PARP8: variants seen among roughly 807,000 people sequenced by gnomAD.
PARP8 encodes poly(ADP-ribose) polymerase family member 8.
A neutral mutation model predicts 124.1 loss-of-function variants in PARP8; 51 were observed. The observed-to-expected ratio is 0.41, with a 90% CI of 0.33 to 0.52. PARP8 has a LOEUF of 0.52. PARP8 is among the 20% of genes least tolerant of loss of function. PARP8 has a pLI of 0.21. For missense variants in PARP8, 860 were observed against 1,018.9 expected, an observed-to-expected ratio of 0.84 and a Z score of 2.12; for synonymous variants, 391 against 361.5, an observed-to-expected ratio of 1.08 and a Z score of -0.93.
intron 14 of PARP8, among the ~76,000 whole-genome samples, chr5:50,813,478 TAAG>T (rs957571138): frequency 7.9e-5 from 12 of 152,212 alleles, no homozygotes; most frequent in African/African-American, 1.9e-4. Context: ...CTTATCAGCT[TAAG>T]GAGATTTTGG....
At chr5:50,754,128 T>TACATAC (rs1452720533) in intron 3 of PARP8, among the ~76,000 whole-genome samples, 3 of 7,796 alleles carry the variant, frequency 3.8e-4, no homozygotes, top group Non-Finnish European at 8.5e-4. Flanking sequence ...TATATATATA[T>TACATAC]ATATATATAT....
intron 7 of PARP8, among the ~76,000 whole-genome samples, chr5:50,763,826 A>G (rs1261394573): frequency 6.6e-6 from 1 of 152,088 alleles, no homozygotes; most frequent in Non-Finnish European, 1.5e-5. Flanking sequence ...CTGCCACCAT[A>G]ATAGTTTCCA....
At chr5:50,757,267 T>TA (rs201888827) in intron 3 of PARP8, 5,137 of 386,900 alleles carry the variant, frequency 0.013, 29 homozygotes, top group African/African-American at 0.037. Context: ...GACTGAATCA[T>TA]AAAAAAAAAC....
intron 1 of PARP8, chr5:50,667,499 C>T: frequency 1.4e-6 from 1 of 700,204 alleles, no homozygotes; most frequent in South Asian, 1.5e-5. Flanking sequence ...AGCCTCCAAG[C>T]ACGCTTCCTG....
At chr5:50,773,529 A>T (rs1236613014) in intron 7 of PARP8, among the ~76,000 whole-genome samples, 1 of 152,180 alleles carries the variant, frequency 6.6e-6, no homozygotes, top group East Asian at 1.9e-4. Flanking sequence ...TCGTTGGTCT[A>T]CATGTCTATT....
chr5:50,837,789 A>G (rs1045258567), intron 25 of PARP8, among the ~76,000 whole-genome samples: 1 of 151,892 alleles, frequency 6.6e-6, no homozygotes, highest in African/African-American at 2.4e-5. Context: ...AAAGGAAGAT[A>G]TCAATTAAAA....
intron 3 of PARP8, among the ~76,000 whole-genome samples, chr5:50,753,909 A>G (rs1307101653): frequency 4.0e-5 from 6 of 151,466 alleles, no homozygotes; most frequent in Non-Finnish European, 5.9e-5. Flanking sequence ...TCAAGTGTTC[A>G]TGAAAGTTCT....
intron 2 of PARP8, among the ~76,000 whole-genome samples, chr5:50,725,709 A>G (rs1202632065): frequency 2.6e-5 from 4 of 152,192 alleles, no homozygotes; most frequent in East Asian, 1.9e-4. Context: ...TTTATACAGT[A>G]TACAACACTT....
chr5:50,772,411 A>T (rs154140), intron 7 of PARP8, among the ~76,000 whole-genome samples: 40,211 of 152,058 alleles, frequency 0.26, 7,052 homozygotes, highest in African/African-American at 0.5. Flanking sequence ...ATTTTTAATT[A>T]TTTGAGGAAC....
At chr5:50,735,957 C>CT (rs994096130) in intron 2 of PARP8, among the ~76,000 whole-genome samples, 2 of 64,560 alleles carry the variant, frequency 3.1e-5, no homozygotes, top group African/African-American at 2.9e-4. Context: ...CTAGGGGATT[C>CT]CCCCCCCCCC....
intron 4 of PARP8, 124 bp downstream of exon 4, chr5:50,759,856 T>C: frequency 8.7e-7 from 1 of 1,147,126 alleles, no homozygotes. Flanking sequence ...AAATCCAGTC[T>C]CCATACAAAT....
chr5:50,780,210 T>A lies in PARP8; in HGVS notation c.670+1560T>A, dbSNP rs192730126. ...TAAGCCATAAGGGAATGATTTGTAA[T>A]GTATGGAGAATATTTCAGCCCATAG... is the stretch of plus-strand genomic sequence containing the variant. On this transcript the variant is annotated intron_variant, in intron 9 of 25. Coordinates refer to ENST00000281631, the MANE Select transcript of PARP8 (RefSeq NM_024615.4). Among the ~76,000 whole-genome samples the A allele has an allele frequency of 4.9e-4, 74 of 152,314 alleles. 1 individual carries two copies. The highest frequency in any genetic ancestry group is 4.6e-3 in the Admixed American group (70 of 15,306).
In PARP8 at chr5:50,784,052, A is replaced by C. The variant is rs550831343; in HGVS notation, c.671-4471A>C. On this transcript the variant is annotated intron_variant, in intron 9 of 25. Coordinates refer to ENST00000281631, the MANE Select transcript of PARP8 (RefSeq NM_024615.4). Reference sequence around the variant, plus strand: ...AATTCAGTGATTTAAAAAATCGGTGATTTAAAAAGAGTGTTTGCAATGTGT... The same window carrying C: ...AATTCAGTGATTTAAAAAATCGGTGCTTTAAAAAGAGTGTTTGCAATGTGT... Among the ~76,000 whole-genome samples the C allele has an allele frequency of 2.6e-5, 4 of 152,338 alleles. No homozygotes were observed. The South Asian group carries it at 8.3e-4, about 32-fold the overall frequency.
chr5:50,713,148 T>C (rs929481050), intron 2 of PARP8, among the ~76,000 whole-genome samples: 3 of 152,104 alleles, frequency 2.0e-5, no homozygotes. Flanking sequence ...CTATATGTTA[T>C]AGATCTGTGG....
chr5:50,694,605 G>A (rs929756890), intron 2 of PARP8, among the ~76,000 whole-genome samples: 4 of 152,134 alleles, frequency 2.6e-5, no homozygotes, highest in African/African-American at 9.7e-5. Context: ...TGCACATTGA[G>A]ATATTACCTT....
At chr5:50,839,458 A>T (rs1184491408) in intron 25 of PARP8, among the ~76,000 whole-genome samples, 1 of 151,954 alleles carries the variant, frequency 6.6e-6, no homozygotes, top group African/African-American at 2.4e-5. Context: ...CTAGCAACTT[A>T]TGTATCTAAG....
chr5:50,729,282 G>T (rs1252978274), intron 2 of PARP8, among the ~76,000 whole-genome samples: 1 of 151,926 alleles, frequency 6.6e-6, no homozygotes, highest in Non-Finnish European at 1.5e-5. Flanking sequence ...CACAGAATTT[G>T]CTTTGCTAAG....
intron 2 of PARP8, among the ~76,000 whole-genome samples, chr5:50,681,636 T>C (rs1388005991): frequency 1.3e-5 from 2 of 152,180 alleles, no homozygotes; most frequent in African/African-American, 4.8e-5. Context: ...AAAATGAAAG[T>C]CCTCTCTGAA....
intron 2 of PARP8, among the ~76,000 whole-genome samples, chr5:50,725,961 G>A (rs35571312): frequency 0.21 from 31,176 of 151,910 alleles, 3,384 homozygotes; most frequent in South Asian, 0.33. Context: ...GACCGGAGAC[G>A]CATCCTGTAG....
Sources: allele counts gnomAD v4.1 joint callset (sites outside exome capture counted in the v4.1 genomes callset), GRCh38; gene constraint gnomAD v4.1.1; transcripts MANE v1.5; gene names NCBI Gene and HGNC (gene_info 2026-07-23, HGNC 2026-07-21).